The following ITPKB variants were observed in gnomAD, a reference collection of about 807,000 sequenced individuals.
The protein encoded by ITPKB is IP3 3-kinase B.
Under a neutral mutation model 69.4 loss-of-function variants are expected in ITPKB, and 13 were observed. That is an observed-to-expected ratio of 0.19 (90% confidence interval 0.12 to 0.30). The LOEUF (loss-of-function observed/expected upper bound fraction) is 0.30, where lower values mean the gene tolerates loss of function less well. ITPKB is among the 10% of genes least tolerant of loss of function. ITPKB has a pLI of 1.00. For missense variants in ITPKB, 1,240 were observed against 1,250.5 expected, an observed-to-expected ratio of 0.99 and a Z score of 0.13; for synonymous variants, 584 against 513.7, an observed-to-expected ratio of 1.14 and a Z score of -1.85.
intron 2 of ITPKB, among the ~76,000 whole-genome samples, chr1:226,667,240 T>C (rs930576996): frequency 6.6e-5 from 10 of 152,146 alleles, no homozygotes; most frequent in African/African-American, 2.2e-4. Flanking sequence ...GGACTGGAAA[T>C]GGCCAGTTCA....
At chr1:226,697,683 G>A (rs1330795197) in intron 2 of ITPKB, among the ~76,000 whole-genome samples, 1 of 152,212 alleles carries the variant, frequency 6.6e-6, no homozygotes, top group Non-Finnish European at 1.5e-5. Flanking sequence ...ACAACTATGG[G>A]AGCTAGAGAA....
chr1:226,649,275 G>A (rs1456738095), intron 2 of ITPKB, among the ~76,000 whole-genome samples: 2 of 150,766 alleles, frequency 1.3e-5, no homozygotes, highest in Non-Finnish European at 2.9e-5. Flanking sequence ...GACTGGGAGT[G>A]TGCATGTGTG....
intron 2 of ITPKB, among the ~76,000 whole-genome samples, chr1:226,663,670 C>T (rs1057482303): frequency 1.3e-5 from 2 of 152,050 alleles, no homozygotes; most frequent in African/African-American, 4.8e-5. Context: ...TATGCATATA[C>T]CACCATGCCT....
At chr1:226,668,575 A>G (rs560868503) in intron 2 of ITPKB, among the ~76,000 whole-genome samples, 1 of 152,390 alleles carries the variant, frequency 6.6e-6, no homozygotes, top group African/African-American at 2.4e-5. Context: ...GATGTTAATC[A>G]ATCCTGAAGA....
chr1:226,692,977 G>C (rs773859717), intron 2 of ITPKB, among the ~76,000 whole-genome samples: 4 of 152,168 alleles, frequency 2.6e-5, no homozygotes, highest in Non-Finnish European at 4.4e-5. Context: ...CCTGGGCCTG[G>C]GAACTTTTGC....
chr1:226,648,839 C>A, intron 2 of ITPKB, 68 bp from the exon 3 acceptor site: 1 of 1,110,218 alleles, frequency 9.0e-7, no homozygotes, highest in South Asian at 1.2e-5. Context: ...AGGACAAATT[C>A]AAAGCAAAGG....
chr1:226,697,020 T>G (rs2102785050), intron 2 of ITPKB, among the ~76,000 whole-genome samples: 1 of 152,358 alleles, frequency 6.6e-6, no homozygotes, highest in East Asian at 1.9e-4. Flanking sequence ...CCAGGCCTCT[T>G]GGGAACAAAT....
chr1:226,645,323 A>G (rs1161192901), intron 4 of ITPKB, among the ~76,000 whole-genome samples: 1 of 152,014 alleles, frequency 6.6e-6, no homozygotes, highest in Non-Finnish European at 1.5e-5. Flanking sequence ...GATGGGTTAC[A>G]TGGGTACCAG....
At position 226,641,630 on chromosome 1, in the gene ITPKB, G is replaced by A. The variant is rs911589620; in HGVS notation, c.2451+291C>T. ...CACAGGCATCCCGCAGGTGCCTCTCGCCTGGCTTTCGGTGCCAGGCACCGT... is the reference window on the plus strand; with the variant it reads ...CACAGGCATCCCGCAGGTGCCTCTCACCTGGCTTTCGGTGCCAGGCACCGT... On this transcript the variant is annotated intron_variant, in intron 5 of 7. Coordinates refer to ENST00000429204, the MANE Select transcript of ITPKB (RefSeq NM_002221.4). The surrounding 1 kb of genome is among the most constrained non-coding windows in gnomAD (Gnocchi z 4.6). 2.0e-5 allele frequency among the ~76,000 whole-genome samples: 3 copies of A among 152,200 alleles called. No homozygotes were observed. Among genetic ancestry groups the A allele is most frequent in the Non-Finnish European group, 2.9e-5 (2 of 68,034 alleles).
At chr1:226,667,436 G>C (rs1247647335) in intron 2 of ITPKB, among the ~76,000 whole-genome samples, 1 of 152,224 alleles carries the variant, frequency 6.6e-6, no homozygotes, top group Admixed American at 6.5e-5. Context: ...TTCTGAAGCA[G>C]AAAGGTAAGT....
At chr1:226,671,515 T>C (rs1669617153) in intron 2 of ITPKB, among the ~76,000 whole-genome samples, 1 of 152,222 alleles carries the variant, frequency 6.6e-6, no homozygotes, top group African/African-American at 2.4e-5. Context: ...GATTTAGCAG[T>C]GAACACAACG....
rs1013992181 is a variant in ITPKB, at chr1:226,736,474, T to C, written c.985A>G (p.Arg329Gly). 4.3e-6 allele frequency: 7 copies of C among 1,613,742 alleles called. No individual in the cohort carries two copies. The highest frequency in any genetic ancestry group is 5.9e-6 in the Non-Finnish European group (7 of 1,180,034). ...QDLALTEPSGRARELEDLQPP... is the reference protein window; with the variant it reads ...QDLALTEPSGGARELEDLQPP... ...TGCAGGTCCTCAAGCTCACGGGCTC[T>C]CCCAGACGGCTCAGTGAGGGCAAGA... Residue 329 changes from arginine to glycine, a missense_variant, in exon 2 of 8, where the codon AGA becomes GGA. Transcript: ENST00000429204.
chr1:226,691,392 TG>T (rs1656349135), intron 2 of ITPKB, among the ~76,000 whole-genome samples: 2 of 152,160 alleles, frequency 1.3e-5, no homozygotes, highest in Non-Finnish European at 2.9e-5. Context: ...GGAGCCGTGC[TG>T]GGGTGGGGCC....
At chr1:226,721,910 T>G (rs2102644185) in intron 2 of ITPKB, among the ~76,000 whole-genome samples, 1 of 150,084 alleles carries the variant, frequency 6.7e-6, no homozygotes, top group Middle Eastern at 3.4e-3. Context: ...GCCTCCCGGG[T>G]TCAAGCGATT....
At chr1:226,713,973 T>A (rs1488209307) in intron 2 of ITPKB, among the ~76,000 whole-genome samples, 2 of 152,208 alleles carry the variant, frequency 1.3e-5, no homozygotes, top group Non-Finnish European at 2.9e-5. Flanking sequence ...TGATATTTTT[T>A]AAAATCTTGA....
intron 2 of ITPKB, among the ~76,000 whole-genome samples, chr1:226,723,854 C>T (rs1326240798): frequency 6.6e-6 from 1 of 152,054 alleles, no homozygotes; most frequent in African/African-American, 2.4e-5. Flanking sequence ...ACTTCAAGTT[C>T]CAATCCCTAG....
rs1396157183 is a variant in ITPKB, at chr1:226,651,289, C to T, written c.1933-2518G>A. Among the ~76,000 whole-genome samples the T allele has an allele frequency of 5.3e-5, 8 of 152,188 alleles. No individual in the cohort carries two copies. The East Asian group carries it at 9.6e-4, about 18-fold the overall frequency. ...GGCGAGGCCTCGGGAGAGCGTGGGG[C>T]GTTGAGGCAGGCCAACCTGGGCCCG... On this transcript the variant is annotated intron_variant, in intron 2 of 7. Transcript: ENST00000429204.
At chr1:226,720,959 T>C (rs1260693524) in intron 2 of ITPKB, among the ~76,000 whole-genome samples, 1 of 151,146 alleles carries the variant, frequency 6.6e-6, no homozygotes. Context: ...GAAGAATCGC[T>C]TGAACCCGGG....
intron 2 of ITPKB, among the ~76,000 whole-genome samples, chr1:226,691,261 T>C (rs911707997): frequency 4.6e-5 from 7 of 152,180 alleles, no homozygotes; most frequent in Non-Finnish European, 1.0e-4. Flanking sequence ...CCTCTGTTTT[T>C]TCTCTTTGGA....
Sources: allele counts gnomAD v4.1 joint callset (sites outside exome capture counted in the v4.1 genomes callset), GRCh38; gene constraint gnomAD v4.1.1; non-coding constraint Gnocchi (gnomAD v3.1); transcripts MANE v1.5; gene names NCBI Gene and HGNC (gene_info 2026-07-23, HGNC 2026-07-21).